Variants in KCNAB1 observed in about 807,000 individuals in gnomAD.
The protein encoded by KCNAB1 is voltage-gated potassium channel subunit beta-1.
KCNAB1 carries 35 observed loss-of-function variants against 64.6 expected under a neutral mutation model. That is an observed-to-expected ratio of 0.54 (90% confidence interval 0.41 to 0.72). The LOEUF (loss-of-function observed/expected upper bound fraction) is 0.72. KCNAB1 is among the 30% of genes least tolerant of loss of function. KCNAB1 has a pLI of 0.00. For synonymous variants in KCNAB1, 177 were observed against 183.8 expected (o/e 0.96, Z 0.30); for missense variants, 401 against 512.9 (o/e 0.78, Z 2.11).
At chr3:156,299,233 CTAGAAAGGACAATTCCCTTCTCT>C (rs1283063864) in intron 1 of KCNAB1, among the ~76,000 whole-genome samples, 2 of 152,228 alleles carry the variant, frequency 1.3e-5, no homozygotes, top group Non-Finnish European at 2.9e-5. Context: ...TGCAACACTT[CTAGAAAGGACAATTCCCTTCTCT>C]ACATAGGCAG....
At chr3:156,512,656 A>C (rs917384555) in intron 8 of KCNAB1, among the ~76,000 whole-genome samples, 26 of 152,232 alleles carry the variant, frequency 1.7e-4, no homozygotes, top group African/African-American at 6.3e-4. Flanking sequence ...AACTTCTGGA[A>C]CTGTTTATCA....
chr3:156,323,262 G>A (rs1190195276), intron 1 of KCNAB1, among the ~76,000 whole-genome samples: 1 of 152,094 alleles, frequency 6.6e-6, no homozygotes, highest in Non-Finnish European at 1.5e-5. Flanking sequence ...AGATATGAAG[G>A]ACCAATGACT....
At chr3:156,154,344 A>T (rs1414122974) in intron 1 of KCNAB1, among the ~76,000 whole-genome samples, 1 of 151,988 alleles carries the variant, frequency 6.6e-6, no homozygotes, top group African/African-American at 2.4e-5. Context: ...CCTCAATCCC[A>T]CTGGCAAGTC....
chr3:156,342,484 T>C (rs1039950891), intron 1 of KCNAB1, among the ~76,000 whole-genome samples: 2 of 151,884 alleles, frequency 1.3e-5, no homozygotes, highest in African/African-American at 4.8e-5. Flanking sequence ...TGAGAGCTTT[T>C]AAAAATACCC....
intron 1 of KCNAB1, among the ~76,000 whole-genome samples, chr3:156,333,519 C>T (rs533890250): frequency 1.1e-4 from 16 of 152,034 alleles, no homozygotes; most frequent in African/African-American, 3.6e-4. Context: ...TTATAATTGA[C>T]GTAGAGACTT....
chr3:156,483,798 CTG>C (rs1273578935), intron 8 of KCNAB1, among the ~76,000 whole-genome samples: 2 of 152,154 alleles, frequency 1.3e-5, no homozygotes, highest in Non-Finnish European at 2.9e-5. Flanking sequence ...AAAGTTCTGA[CTG>C]TGGATCATTC....
chr3:156,454,396 G>A (rs756579720), intron 3 of KCNAB1, among the ~76,000 whole-genome samples: 1 of 152,134 alleles, frequency 6.6e-6, no homozygotes, highest in Non-Finnish European at 1.5e-5. Context: ...TCCTTTTACT[G>A]ACCAGTCATT....
chr3:156,365,065 C>G (rs992592706), intron 1 of KCNAB1, among the ~76,000 whole-genome samples: 1 of 152,084 alleles, frequency 6.6e-6, no homozygotes, highest in African/African-American at 2.4e-5. Flanking sequence ...TAGATCCAAG[C>G]TGGGGAAAGG....
intron 2 of KCNAB1, among the ~76,000 whole-genome samples, chr3:156,439,678 T>A (rs1480318925): frequency 6.6e-6 from 1 of 152,166 alleles, no homozygotes; most frequent in Admixed American, 6.5e-5. Context: ...CACAAAATAA[T>A]GAAAAATGGA....
intron 2 of KCNAB1, chr3:156,441,488 A>G (rs1015382086): frequency 6.6e-6 from 1 of 152,192 alleles, no homozygotes; most frequent in Non-Finnish European, 1.5e-5. Context: ...AACACATACT[A>G]TATTCCAGAC....
chr3:156,120,328 A>G (rs1318847319), upstream of KCNAB1, among the ~76,000 whole-genome samples: 1 of 152,210 alleles, frequency 6.6e-6, no homozygotes, highest in Admixed American at 6.5e-5. Context: ...TGCGGAAGAA[A>G]CAGCCACTGC....
Position 156,283,833 on chromosome 3 carries a change from T to C in KCNAB1, c.276-137783T>C, listed in dbSNP as rs531609182. On this transcript the variant is annotated intron_variant, in intron 1 of 13. Transcript: ENST00000490337. ...CAGCTCCATCAGCTCCTTTAAGCACTTCTCTGTATTGTTTATTCTAGTTAT... is the reference window on the plus strand; with the variant it reads ...CAGCTCCATCAGCTCCTTTAAGCACCTCTCTGTATTGTTTATTCTAGTTAT... Among the ~76,000 whole-genome samples, 199 of 152,248 alleles carry C rather than the reference T, an allele frequency of 1.3e-3. No homozygotes were observed. In the South Asian group the frequency reaches 0.016, roughly 13 times the overall value.
In KCNAB1 at chr3:156,149,546, C is replaced by T. The variant is rs138770090; in HGVS notation, c.275+28660C>T. 4.4e-3 allele frequency among the ~76,000 whole-genome samples: 670 copies of T among 152,158 alleles called. 4 individuals are homozygous for T. Among genetic ancestry groups the T allele is most frequent in the African/African-American group, 0.015 (638 of 41,502 alleles). On this transcript the variant is annotated intron_variant, in intron 1 of 13. Transcript: ENST00000490337. ...AGTAGGAACAATTTTTCACCTGAAC[C>T]CCTCTCTGTGGGTTCTGTCACAGTG...
intron 1 of KCNAB1, among the ~76,000 whole-genome samples, chr3:156,335,955 G>C (rs1379350963): frequency 3.4e-5 from 5 of 147,432 alleles, no homozygotes; most frequent in Non-Finnish European, 7.4e-5. Context: ...TGTCATTTTT[G>C]TGAAGTTGAT....
intron 1 of KCNAB1, among the ~76,000 whole-genome samples, chr3:156,138,763 G>C (rs1456478059): frequency 6.6e-6 from 1 of 152,176 alleles, no homozygotes; most frequent in East Asian, 1.9e-4. Flanking sequence ...ACCTAAGTCT[G>C]AGCCAGTAGA....
At chr3:156,464,230 A>G (rs1042834488) in intron 6 of KCNAB1, among the ~76,000 whole-genome samples, 6 of 152,172 alleles carry the variant, frequency 3.9e-5, no homozygotes, top group African/African-American at 1.4e-4. Context: ...GGAGAATAAC[A>G]TGGAGCTACC....
chr3:156,173,841 G>C (rs79061503), intron 1 of KCNAB1, among the ~76,000 whole-genome samples: 2,628 of 152,286 alleles, frequency 0.017, 49 homozygotes, highest in South Asian at 0.032. Context: ...TTCCTGATGT[G>C]AGTGGCCATC....
At chr3:156,235,420 A>G (rs1290749763) in intron 1 of KCNAB1, among the ~76,000 whole-genome samples, 1 of 152,188 alleles carries the variant, frequency 6.6e-6, no homozygotes. Flanking sequence ...GCACCTGACA[A>G]GGTGCCATAA....
At chr3:156,404,692 G>A (rs1400324206) in intron 1 of KCNAB1, among the ~76,000 whole-genome samples, 2 of 152,174 alleles carry the variant, frequency 1.3e-5, no homozygotes, top group East Asian at 1.9e-4. Flanking sequence ...GTGCATCCTG[G>A]TACGTCCCGG....
Sources: allele counts gnomAD v4.1 joint callset (sites outside exome capture counted in the v4.1 genomes callset), GRCh38; gene constraint gnomAD v4.1.1; transcripts MANE v1.5; gene names NCBI Gene and HGNC (gene_info 2026-07-23, HGNC 2026-07-21).